The following PSTPIP1 variants were observed in gnomAD, a reference collection of about 807,000 sequenced individuals.
PSTPIP1 encodes the protein proline-serine-threonine phosphatase interacting protein 1.
In PSTPIP1, 66 loss-of-function variants were observed where a neutral mutation model predicts 69.6. The observed-to-expected ratio is 0.95, with a 90% CI of 0.78 to 1.16. PSTPIP1 has a LOEUF of 1.16. PSTPIP1 is among the 50% of genes most tolerant of loss of function. The pLI is 0.00. For synonymous variants in PSTPIP1, 266 were observed against 222.7 expected, an observed-to-expected ratio of 1.19 and a Z score of -1.73; for missense variants, 603 against 557.4, an observed-to-expected ratio of 1.08 and a Z score of -0.82.
At chr15:77,013,795 G>T (rs1200278518) in intron 1 of PSTPIP1, among the ~76,000 whole-genome samples, 1 of 152,202 alleles carries the variant, frequency 6.6e-6, no homozygotes, top group Non-Finnish European at 1.5e-5. Flanking sequence ...CAAAACCCAG[G>T]TGTCCCCCTC....
At chr15:77,032,000 G>C (rs746961231) in intron 10 of PSTPIP1, among the ~76,000 whole-genome samples, 1 of 152,196 alleles carries the variant, frequency 6.6e-6, no homozygotes, top group Non-Finnish European at 1.5e-5. Flanking sequence ...CTGCATTCTC[G>C]CTGTGACCTT....
chr15:76,995,461 A>G lies in PSTPIP1; in HGVS notation c.-113A>G. 6.3e-7 allele frequency: 1 copy of G among 1,576,914 alleles called. No individual in the cohort carries two copies. Among genetic ancestry groups the G allele is most frequent in the Non-Finnish European group, 8.6e-7 (1 of 1,163,340 alleles). ...AGTGTTGCAGACGGCGCCGGCCGGG[A>G]AGGGGGGCCTGGGCCAGCCCTGCCA... is the stretch of plus-strand genomic sequence containing the variant. On this transcript the variant is annotated 5_prime_UTR_variant, in exon 1 of 15. Transcript: ENST00000558012.
chr15:77,034,539 G>A (rs376650402), intron 12 of PSTPIP1, among the ~76,000 whole-genome samples: 4 of 151,502 alleles, frequency 2.6e-5, no homozygotes, highest in African/African-American at 4.9e-5. Flanking sequence ...ATCCCTCAGG[G>A]TCTGGTCCAG....
At chr15:77,005,745 G>A (rs2075802976) in intron 1 of PSTPIP1, among the ~76,000 whole-genome samples, 1 of 152,136 alleles carries the variant, frequency 6.6e-6, no homozygotes, top group Admixed American at 6.5e-5. Flanking sequence ...GATAATATTT[G>A]TCCTTTTGTG....
chr15:77,024,839 C>T (rs779042881), intron 3 of PSTPIP1, among the ~76,000 whole-genome samples: 30 of 152,180 alleles, frequency 2.0e-4, no homozygotes, highest in Admixed American at 3.3e-4. Flanking sequence ...AAACATCCCC[C>T]GGGCCACCTG....
At chr15:77,029,285 G>A (rs1295850490) in intron 7 of PSTPIP1, among the ~76,000 whole-genome samples, 1 of 152,252 alleles carries the variant, frequency 6.6e-6, no homozygotes, top group African/African-American at 2.4e-5. Context: ...CCTGTGGGTT[G>A]TGGTCTCACT....
At chr15:77,007,155 T>C (rs187507143) in intron 1 of PSTPIP1, among the ~76,000 whole-genome samples, 185 of 152,310 alleles carry the variant, frequency 1.2e-3, no homozygotes, top group African/African-American at 4.1e-3. Context: ...GGTCCATCTA[T>C]GACATCTCGG....
rs559758018 is a variant in PSTPIP1, at chr15:77,035,243, G to A, written c.930-265G>A. On this transcript the variant is annotated intron_variant, in intron 12 of 14. Transcript: ENST00000558012. Reference sequence around the variant, plus strand: ...GTTCTAGGATCCTCCCAAGGGCCCTGCAGGGAGCAGGTGCTGAGATGGCCT... The same window carrying A: ...GTTCTAGGATCCTCCCAAGGGCCCTACAGGGAGCAGGTGCTGAGATGGCCT... Among the ~76,000 whole-genome samples, 41 of 152,328 alleles carry A rather than the reference G, an allele frequency of 2.7e-4. No individual in the cohort carries two copies. The South Asian group carries it at 8.1e-3, about 30-fold the overall frequency.
chr15:77,033,034 T>C, intron 12 of PSTPIP1, 82 bp downstream of exon 12: 1 of 1,341,576 alleles, frequency 7.5e-7, no homozygotes, highest in Non-Finnish European at 1.0e-6. Context: ...TGGCCCTTCC[T>C]CGTTCACTGA....
In PSTPIP1 at chr15:77,018,471, A is replaced by AGC. The variant is rs1568500046; in HGVS notation, c.154_155dup (p.Tyr53GlyfsTer22). The AGC allele has an allele frequency of 5.1e-6, 8 of 1,583,720 alleles. No individual in the cohort carries two copies. In the East Asian group the frequency reaches 6.9e-5, roughly 14 times the overall value. ...TTTTTTTGCAGGGCCCAGGCGGAGG[A>AGC]GCGGTACGGGAAGGAGCTGGTGCAG... On this transcript the variant is annotated frameshift_variant, in exon 3 of 15. Transcript: ENST00000558012. LOFTEE classifies it high-confidence loss of function.
chr15:77,028,201 C>G (rs2076329549), intron 6 of PSTPIP1: 1 of 523,756 alleles, frequency 1.9e-6, no homozygotes, highest in Non-Finnish European at 3.5e-6. Context: ...GACCCCTGAG[C>G]TTGATCCTGC....
chr15:77,031,237 C>T lies in PSTPIP1; in HGVS notation c.700C>T (p.His234Tyr), dbSNP rs1596123432. Residue 234 changes from histidine to tyrosine, a missense_variant, in exon 10 of 15, where the codon CAC becomes TAC. His to Tyr is a moderately conservative substitution (Grantham distance 83). Coordinates refer to ENST00000558012, the MANE Select transcript of PSTPIP1 (RefSeq NM_003978.5). ...CATTCTCCGCAACGCCCTGTGGGTGCACAGCAACCAGCTCTCCATGCAGTG... is the reference window on the plus strand; with the variant it reads ...CATTCTCCGCAACGCCCTGTGGGTGTACAGCAACCAGCTCTCCATGCAGTG... The part of the protein sequence containing the change: ...LTILRNALWV[H>Y]SNQLSMQCVK... The T allele has an allele frequency of 1.9e-6, 3 of 1,612,976 alleles. No homozygotes were observed. Among genetic ancestry groups the T allele is most frequent in the Non-Finnish European group, 2.5e-6 (3 of 1,179,670 alleles).
chr15:76,995,027 G>C (rs1239764657), upstream of PSTPIP1: 2 of 1,190,170 alleles, frequency 1.7e-6, no homozygotes, highest in Non-Finnish European at 2.1e-6. Context: ...GCAGAGGCAG[G>C]AGCAGGATGG....
intron 2 of PSTPIP1, 78 bp downstream of exon 2, chr15:77,018,326 G>A: frequency 6.5e-7 from 1 of 1,537,094 alleles, no homozygotes; most frequent in South Asian, 1.2e-5. Context: ...CAGTGGACGA[G>A]GCCCCCATCC....
intron 1 of PSTPIP1, among the ~76,000 whole-genome samples, chr15:77,011,677 G>C (rs1186292770): frequency 1.3e-5 from 2 of 152,114 alleles, no homozygotes; most frequent in African/African-American, 4.8e-5. Context: ...ATATTTATTT[G>C]CTTATACATG....
At chr15:76,998,347 G>T (rs2075625394) in intron 1 of PSTPIP1, among the ~76,000 whole-genome samples, 1 of 152,158 alleles carries the variant, frequency 6.6e-6, no homozygotes, top group Admixed American at 6.5e-5. Flanking sequence ...AGCCAGCCCT[G>T]CTGTTTCTGG....
At chr15:76,997,643 T>G (rs894896693) in intron 1 of PSTPIP1, among the ~76,000 whole-genome samples, 1 of 152,194 alleles carries the variant, frequency 6.6e-6, no homozygotes, top group Non-Finnish European at 1.5e-5. Flanking sequence ...TTAGCACTTG[T>G]GTTGTTGCAG....
At chr15:77,020,805 A>C (rs903637842) in intron 3 of PSTPIP1, among the ~76,000 whole-genome samples, 3 of 150,574 alleles carry the variant, frequency 2.0e-5, no homozygotes, top group Non-Finnish European at 4.4e-5. Context: ...GCCAACCTGA[A>C]GGGCTTTTGG....
intron 14 of PSTPIP1, 83 bp from the exon 15 acceptor site, chr15:77,036,962 G>T: frequency 6.5e-7 from 1 of 1,546,298 alleles, no homozygotes; most frequent in Non-Finnish European, 8.8e-7. Flanking sequence ...ATTTACTGCT[G>T]GGTGGGGGAA....
Sources: allele counts gnomAD v4.1 joint callset (sites outside exome capture counted in the v4.1 genomes callset), GRCh38; gene constraint gnomAD v4.1.1; transcripts MANE v1.5; gene names NCBI Gene and HGNC (gene_info 2026-07-23, HGNC 2026-07-21).